ZYG11A: variants seen among roughly 807,000 people sequenced by gnomAD.
The protein encoded by ZYG11A is protein zyg-11 homolog A.
In ZYG11A, 62 loss-of-function variants were observed where a neutral mutation model predicts 77.2. That is an observed-to-expected ratio of 0.80 (90% CI 0.65 to 0.99). The LOEUF is 0.99. ZYG11A is among the 50% of genes least tolerant of loss of function. The probability of loss-of-function intolerance (pLI) is 0.00; values close to 1 mark genes in which losing one functional copy is unlikely to be tolerated. For synonymous variants in ZYG11A, 315 were observed against 324.6 expected (o/e 0.97, Z 0.32); for missense variants, 828 against 896.8 (o/e 0.92, Z 0.98).
intron 8 of ZYG11A, among the ~76,000 whole-genome samples, chr1:52,875,145 T>C (rs1023280770): frequency 6.6e-6 from 1 of 151,852 alleles, no homozygotes; most frequent in South Asian, 2.1e-4. Context: ...TCAGGAAAAA[T>C]TGGGCCATCA....
chr1:52,890,473 A>C lies in ZYG11A; in HGVS notation c.2105-2309A>C, dbSNP rs920700034. On this transcript the variant is annotated intron_variant, in intron 13 of 13. Transcript: ENST00000371528. ...TTCTGGGTCTCAAAGTCCTGACCTT[A>C]GATGTTCGCCTCAGCCTCCCAGAGT... 2.9e-4 allele frequency among the ~76,000 whole-genome samples: 44 copies of C among 151,508 alleles called. 1 individual carries two copies. Among genetic ancestry groups the C allele is most frequent in the African/African-American group, 1.0e-3 (42 of 41,018 alleles).
intron 10 of ZYG11A, among the ~76,000 whole-genome samples, chr1:52,878,704 C>T (rs570296167): frequency 4.0e-5 from 6 of 151,644 alleles, no homozygotes; most frequent in Admixed American, 2.6e-4. Flanking sequence ...TTTGGGAGGC[C>T]GAGGTGGGTG....
intron 5 of ZYG11A, 91 bp from the exon 6 acceptor site, chr1:52,866,412 G>C (rs950660273): frequency 3.0e-6 from 2 of 665,126 alleles, no homozygotes; most frequent in African/African-American, 3.6e-5. Flanking sequence ...AATAAGAAAA[G>C]CTCACTAGTA....
At chr1:52,843,724 G>A (rs1167692272) in intron 1 of ZYG11A, among the ~76,000 whole-genome samples, 1 of 127,656 alleles carries the variant, frequency 7.8e-6, no homozygotes, top group African/African-American at 3.1e-5. Flanking sequence ...GTCTCGCTCT[G>A]TCACCAGGCT....
intron 2 of ZYG11A, among the ~76,000 whole-genome samples, chr1:52,855,207 C>G (rs1379061315): frequency 6.7e-6 from 1 of 148,244 alleles, no homozygotes; most frequent in Non-Finnish European, 1.5e-5. Context: ...TCTTGTTTAC[C>G]ATTCTTTTCA....
chr1:52,847,373 T>C (rs1645609593), intron 1 of ZYG11A, among the ~76,000 whole-genome samples: 3 of 151,890 alleles, frequency 2.0e-5, no homozygotes, highest in Admixed American at 2.0e-4. Flanking sequence ...CCTAATTTTG[T>C]ATTTTTAGTA....
In ZYG11A at chr1:52,877,832, CA is replaced by C. The variant is rs1646288952; in HGVS notation, c.1695del (p.Val566SerfsTer18). ...IENQGLQIFI[Q>X]VLETFSESAI... Reference sequence around the variant, plus strand: ...AAATCAAGGATTGCAAATCTTCATCCAAGTCTTGGAGGTGGGAAGACAGGAT... The same window carrying C: ...AAATCAAGGATTGCAAATCTTCATCCAGTCTTGGAGGTGGGAAGACAGGAT... On this transcript the variant is annotated frameshift_variant, in exon 9 of 14. Transcript: ENST00000371528. LOFTEE classifies it high-confidence loss of function. 6.4e-7 allele frequency: 1 copy of C among 1,551,434 alleles called. No individual in the cohort carries two copies. The highest frequency in any genetic ancestry group is 2.4e-5 in the East Asian group (1 of 40,910).
intron 2 of ZYG11A, 112 bp downstream of exon 2, chr1:52,854,742 C>A: frequency 8.6e-7 from 1 of 1,157,244 alleles, no homozygotes; most frequent in Non-Finnish European, 1.2e-6. Context: ...TTTCATTTGT[C>A]TGGAAGTTGA....
intron 13 of ZYG11A, among the ~76,000 whole-genome samples, chr1:52,888,817 C>T (rs771221389): frequency 2.6e-5 from 4 of 152,176 alleles, no homozygotes; most frequent in Non-Finnish European, 4.4e-5. Context: ...GAGCAAGACT[C>T]CTGTCTCTAA....
intron 10 of ZYG11A, 121 bp downstream of exon 10, chr1:52,878,090 TTTACA>T (rs1646294487): frequency 6.2e-6 from 5 of 801,704 alleles, no homozygotes; most frequent in Non-Finnish European, 1.0e-5. Context: ...TCATTTAATC[TTTACA>T]TTAGCCCTAC....
chr1:52,854,124 G>T (rs1480819718), intron 1 of ZYG11A, among the ~76,000 whole-genome samples: 2 of 152,090 alleles, frequency 1.3e-5, no homozygotes, highest in Non-Finnish European at 2.9e-5. Flanking sequence ...ATTTAGAAAT[G>T]ATTTGTAGTA....
chr1:52,846,553 A>G (rs1434341510), intron 1 of ZYG11A, among the ~76,000 whole-genome samples: 1 of 151,214 alleles, frequency 6.6e-6, no homozygotes, highest in African/African-American at 2.4e-5. Flanking sequence ...GGGTTTCACT[A>G]TGTTGGCCAG....
intron 8 of ZYG11A, among the ~76,000 whole-genome samples, chr1:52,868,366 T>G (rs746282685): frequency 6.6e-6 from 1 of 152,246 alleles, no homozygotes; most frequent in Non-Finnish European, 1.5e-5. Context: ...AACTTAGCTC[T>G]CCTACGTATC....
At chr1:52,844,538 A>T in intron 1 of ZYG11A, among the ~76,000 whole-genome samples, 1 of 152,178 alleles carries the variant, frequency 6.6e-6, no homozygotes, top group East Asian at 1.9e-4. Flanking sequence ...TATTTTAATT[A>T]CACAAATATT....
chr1:52,887,728 TA>T (rs1365339610), intron 13 of ZYG11A, among the ~76,000 whole-genome samples: 10 of 148,352 alleles, frequency 6.7e-5, no homozygotes, highest in South Asian at 2.2e-4. Context: ...TTTTTTACAT[TA>T]AAAAAAAAAT....
intron 6 of ZYG11A, 110 bp from the exon 7 acceptor site, chr1:52,867,429 T>A: frequency 2.7e-6 from 2 of 745,556 alleles, no homozygotes; most frequent in South Asian, 1.8e-5. Flanking sequence ...GATTTAAAAG[T>A]CCAAGACTGT....
Position 52,867,599 on chromosome 1 carries a change from A to C in ZYG11A, c.1452A>C (p.Gln484His). 1.9e-6 allele frequency: 3 copies of C among 1,552,352 alleles called. No homozygotes were observed. The highest frequency in any genetic ancestry group is 2.6e-6 in the Non-Finnish European group (3 of 1,147,120). ...GTAAGCATGAAAACCCCAAGATGCA[A>C]ACAATGGCAGTGAGTGTCACCTCTA... is the stretch of plus-strand genomic sequence containing the variant. ...WLCKHENPKMQTMAVSVTSIL... is the reference protein window; with the variant it reads ...WLCKHENPKMHTMAVSVTSIL... Residue 484 changes from glutamine to histidine, a missense_variant, in exon 7 of 14, where the codon CAA becomes CAC. Physicochemically the swap from Gln to His is conservative, Grantham distance 24. Transcript: ENST00000371528.
intron 8 of ZYG11A, among the ~76,000 whole-genome samples, chr1:52,870,603 C>A (rs12718420): frequency 0.49 from 73,966 of 152,158 alleles, 19,213 homozygotes; most frequent in Non-Finnish European, 0.59. Flanking sequence ...CTCCATCTGC[C>A]ATCCCGGCAC....
intron 13 of ZYG11A, among the ~76,000 whole-genome samples, chr1:52,890,776 T>C (rs1329572087): frequency 2.6e-5 from 4 of 151,906 alleles, no homozygotes; most frequent in African/African-American, 9.7e-5. Flanking sequence ...TTTTTTATTT[T>C]TTGTAGACAC....
Sources: gnomAD v4.1 joint callset for allele counts (sites outside exome capture counted in the v4.1 genomes callset) on GRCh38, gnomAD v4.1.1 for gene constraint, MANE v1.5 for transcripts, NCBI Gene and HGNC (gene_info 2026-07-23, HGNC 2026-07-21) for gene names.